SLC5A9: variants seen among roughly 807,000 people sequenced by gnomAD.
SLC5A9 encodes solute carrier family 5 member 9.
SLC5A9 carries 59 observed loss-of-function variants against 70.9 expected under a neutral mutation model. The observed-to-expected ratio is 0.83, with a 90% CI of 0.68 to 1.03. The LOEUF (loss-of-function observed/expected upper bound fraction) is 1.03. Ranked by LOEUF, SLC5A9 falls within the 50% of genes least tolerant of loss-of-function variation. The pLI is 0.00. For missense variants in SLC5A9, 832 were observed against 881.1 expected (o/e 0.94, Z 0.71); for synonymous variants, 340 against 346.5 (o/e 0.98, Z 0.21).
intron 13 of SLC5A9, among the ~76,000 whole-genome samples, chr1:48,247,101 G>A (rs1265394356): frequency 6.6e-6 from 1 of 152,162 alleles, no homozygotes; most frequent in Non-Finnish European, 1.5e-5. Flanking sequence ...CTGTTTGGGT[G>A]CTGTGGCCAA....
chr1:48,244,878 G>GTGTATATATATATATATATATA (rs1391896495), intron 13 of SLC5A9, among the ~76,000 whole-genome samples: 2 of 29,418 alleles, frequency 6.8e-5, no homozygotes, highest in African/African-American at 1.7e-4. Flanking sequence ...ATGTGTATGT[G>GTGTATATATATATATATATATA]TATATATATA....
At chr1:48,223,280 G>GC (rs1644098216) in intron 1 of SLC5A9, among the ~76,000 whole-genome samples, 1 of 152,130 alleles carries the variant, frequency 6.6e-6, no homozygotes, top group Non-Finnish European at 1.5e-5. Flanking sequence ...GCATTCGTTA[G>GC]CATCTTGGCT....
chr1:48,236,522 C>A (rs1333735825), intron 10 of SLC5A9, among the ~76,000 whole-genome samples: 1 of 152,182 alleles, frequency 6.6e-6, no homozygotes, highest in Admixed American at 6.5e-5. Flanking sequence ...AAAAGCATAA[C>A]TTGGTGGCTA....
chr1:48,244,878 G>GTATATATATATGTA lies in SLC5A9; in HGVS notation c.1837+2273_1837+2274insGTATATATATATAT, dbSNP rs1553132217. 1.4e-4 allele frequency among the ~76,000 whole-genome samples: 4 copies of GTATATATATATGTA among 29,402 alleles called. 1 individual carries two copies. Among genetic ancestry groups the GTATATATATATGTA allele is most frequent in the Non-Finnish European group, 7.7e-5 (1 of 13,032 alleles). The allele number at this position is 29,402 out of a possible 152,430, so 19.3% of individuals were successfully genotyped here. A position where few individuals can be genotyped will look rare whatever the true frequency, so the allele number is the denominator to read the frequency against. On this transcript the variant is annotated intron_variant, in intron 13 of 13. Coordinates refer to ENST00000438567, the MANE Select transcript of SLC5A9 (RefSeq NM_001011547.3). ...TGTGTGTGTGTATGTATGTGTATGT[G>GTATATATATATGTA]TATATATATATATATATATATATAT...
Position 48,229,375 on chromosome 1 carries a change from T to G in SLC5A9, c.420T>G (p.Tyr140Ter). 6.2e-7 allele frequency: 1 copy of G among 1,614,140 alleles called. No individual in the cohort carries two copies. The highest frequency in any genetic ancestry group is 8.5e-7 in the Non-Finnish European group (1 of 1,180,032). Residue 140 changes from tyrosine to a stop codon, truncating the protein, a stop_gained, in exon 4 of 14, where the codon TAT becomes TAG. Coordinates refer to ENST00000438567, the MANE Select transcript of SLC5A9 (RefSeq NM_001011547.3). LOFTEE classifies it high-confidence loss of function. ...IAAGVVTMPQ[Y>*]LKKRFGGQRI... ...CAGGTGTGGTCACAATGCCGCAGTA[T>G]CTGAAGAAGCGATTTGGGGGCCAGA...
chr1:48,231,435 G>A (rs1171573749), intron 5 of SLC5A9, 110 bp from the exon 6 acceptor site: 4 of 1,333,982 alleles, frequency 3.0e-6, no homozygotes, highest in African/African-American at 2.9e-5. Context: ...CCCCTGCTAA[G>A]AGGGCTGTGT....
chr1:48,244,435 G>T (rs960112920), intron 13 of SLC5A9, among the ~76,000 whole-genome samples: 11 of 152,032 alleles, frequency 7.2e-5, no homozygotes, highest in African/African-American at 2.7e-4. Context: ...TTAAGGCCTT[G>T]ATTCTAGAGA....
chr1:48,236,268 C>T (rs12130095), intron 10 of SLC5A9, among the ~76,000 whole-genome samples: 5,412 of 152,286 alleles, frequency 0.036, 149 homozygotes, highest in Non-Finnish European at 0.052. Context: ...TTTGATCCAT[C>T]AGATTCACTC....
Position 48,237,863 on chromosome 1 carries a change from C to T in SLC5A9, c.1461+16C>T. 6.2e-7 allele frequency: 1 copy of T among 1,613,262 alleles called. No homozygotes were observed. The highest frequency in any genetic ancestry group is 8.5e-7 in the Non-Finnish European group (1 of 1,179,494). ...CACAGAGCCCGTGAGTGCAGTGTACCTGTCTCTCACATACAGCAGAGGGGC... is the reference window on the plus strand; with the variant it reads ...CACAGAGCCCGTGAGTGCAGTGTACTTGTCTCTCACATACAGCAGAGGGGC... On this transcript the variant is annotated intron_variant, in intron 11 of 13. Coordinates refer to ENST00000438567, the MANE Select transcript of SLC5A9 (RefSeq NM_001011547.3).
At chr1:48,229,015 C>T (rs1202484167) in intron 3 of SLC5A9, 61 bp downstream of exon 3, 39 of 1,613,198 alleles carry the variant, frequency 2.4e-5, no homozygotes, top group Admixed American at 6.7e-5. Flanking sequence ...CTGTCTCTGG[C>T]ATTAGTGCTG....
At chr1:48,233,139 AATCATGAGGTCAGG>A (rs1295523938) in intron 8 of SLC5A9, among the ~76,000 whole-genome samples, 1 of 151,934 alleles carries the variant, frequency 6.6e-6, no homozygotes, top group Non-Finnish European at 1.5e-5. Context: ...GAGATGGGCG[AATCATGAGGTCAGG>A]AGTTCGAGAC....
At position 48,242,570 on chromosome 1, in the gene SLC5A9, A is replaced by T. The variant is rs534231815; in HGVS notation, c.1791A>T (p.Gly597=). 7 of 1,613,116 alleles carry T rather than the reference A, an allele frequency of 4.3e-6. No homozygotes were observed. The South Asian group carries it at 7.7e-5, about 18-fold the overall frequency. The change falls in exon 13 of 14, where the codon GGA becomes GGT. Residue 597 remains glycine (G), a synonymous_variant. Transcript: ENST00000438567. ...GGCCAGCCGGGGAGTGCCCTGCAGG[A>T]GGTGGAGCGGCAGAGAACTCGAGCC... ...SERPAGECPA[G]GGAAENSSLG... is the part of the protein sequence containing the mutation.
chr1:48,237,379 G>T (rs1037820678), intron 10 of SLC5A9, among the ~76,000 whole-genome samples: 1 of 149,376 alleles, frequency 6.7e-6, no homozygotes, highest in African/African-American at 2.4e-5. Flanking sequence ...GGGGTGGAAT[G>T]TATGAATTCC....
rs1238089690 is a variant in SLC5A9 at position 48,242,428 on chromosome 1, ACTGACTCCAGTGTCTTCTTT to A, written c.1678-27_1678-8del. The A allele has an allele frequency of 6.4e-7, 1 of 1,559,586 alleles. No individual in the cohort carries two copies. Among genetic ancestry groups the A allele is most frequent in the Admixed American group, 1.9e-5 (1 of 52,994 alleles). ...TACAGCATGACTTCTCTCCAAGGCA[ACTGACTCCAGTGTCTTCTTT>A]CCCTCCAGCTCACACGCCTCACATG... On this transcript the variant is annotated splice_polypyrimidine_tract_variant and intron_variant, in intron 12 of 13. Transcript: ENST00000438567.
rs1174788160 is a variant in SLC5A9 at position 48,247,407 on chromosome 1, T to C, written c.1910T>C (p.Leu637Pro). 1 of 1,614,162 alleles carries C rather than the reference T, an allele frequency of 6.2e-7. No individual in the cohort carries two copies. ...CTCTCTGGAACACCGGAGCAGGCCCTGAGCCCAGCAGAGAAGGCTGCGCTA... is the reference window on the plus strand; with the variant it reads ...CTCTCTGGAACACCGGAGCAGGCCCCGAGCCCAGCAGAGAAGGCTGCGCTA... Reference protein sequence around the residue: ...CGLSGTPEQALSPAEKAALEQ... With the variant: ...CGLSGTPEQAPSPAEKAALEQ... Residue 637 changes from leucine to proline, a missense_variant, in exon 14 of 14, where the codon CTG (leucine) becomes CCG (proline). Transcript: ENST00000438567.
At chr1:48,241,575 AG>A (rs1445303655) in intron 12 of SLC5A9, among the ~76,000 whole-genome samples, 3 of 150,720 alleles carry the variant, frequency 2.0e-5, no homozygotes, top group African/African-American at 7.5e-5. Context: ...GCCACCAAAA[AG>A]GAGAAGAGAG....
chr1:48,231,519 G>A (rs1295285116), intron 5 of SLC5A9, 26 bp from the exon 6 acceptor site: 1 of 1,612,872 alleles, frequency 6.2e-7, no homozygotes, highest in South Asian at 1.1e-5. Context: ...GGTGCTGACT[G>A]ATGAGCCCTC....
Position 48,237,777 on chromosome 1 carries a change from C to T in SLC5A9, c.1391C>T (p.Thr464Ile). The T allele has an allele frequency of 6.2e-7, 1 of 1,614,152 alleles. No individual in the cohort carries two copies. Residue 464 changes from threonine to isoleucine, a missense_variant, in exon 11 of 14, where the codon ACC becomes ATC. Physicochemically the swap from Thr to Ile is moderately conservative, Grantham distance 89 (BLOSUM62 -1). Transcript: ENST00000438567. The stretch of plus-strand genomic sequence containing the variant: ...CTCTTCGACTACATCCAGGCTGTCA[C>T]CAGTTACCTGGCCCCACCCATCACC... The part of the protein sequence containing the change: ...GQLFDYIQAV[T>I]SYLAPPITAL...
At chr1:48,228,735 C>G (rs1394421961) in intron 2 of SLC5A9, 115 bp from the exon 3 acceptor site, 1 of 1,500,040 alleles carries the variant, frequency 6.7e-7, no homozygotes, top group Non-Finnish European at 9.0e-7. Context: ...GAATGCAGTG[C>G]CTGGCATACA....
Sources: gnomAD v4.1 joint callset for allele counts (sites outside exome capture counted in the v4.1 genomes callset) on GRCh38, gnomAD v4.1.1 for gene constraint, MANE v1.5 for transcripts, NCBI Gene and HGNC (gene_info 2026-07-23, HGNC 2026-07-21) for gene names.